Variants in EFNA5 observed in about 807,000 individuals in gnomAD.
EFNA5 encodes the protein ephrin A5, also known as ephrin-A5.
Under a neutral mutation model 22.9 loss-of-function variants are expected in EFNA5, and 5 were observed. The ratio of observed to expected loss-of-function variants is 0.22; its 90% confidence interval spans 0.11 to 0.46. The LOEUF (loss-of-function observed/expected upper bound fraction) is 0.46, where lower values mean the gene tolerates loss of function less well. Ranked by LOEUF, EFNA5 falls within the 20% of genes least tolerant of loss-of-function variation. The pLI, the probability that EFNA5 is intolerant of heterozygous loss-of-function variation, is 0.99. For missense variants in EFNA5, 237 were observed against 293.3 expected (o/e 0.81, Z 1.40); for synonymous variants, 113 against 112.2 (o/e 1.01, Z -0.04).
At chr5:107,475,501 C>T (rs930632703) in intron 1 of EFNA5, among the ~76,000 whole-genome samples, 10 of 152,136 alleles carry the variant, frequency 6.6e-5, no homozygotes, top group Non-Finnish European at 1.3e-4. Context: ...CCACTGTCCA[C>T]GTCAAAGGAT....
chr5:107,411,083 C>A (rs949817023), intron 2 of EFNA5, among the ~76,000 whole-genome samples: 2 of 152,058 alleles, frequency 1.3e-5, no homozygotes, highest in African/African-American at 2.4e-5. Flanking sequence ...TGCAAAAGCA[C>A]TAGAAAAATA....
rs529060516 is a variant in EFNA5, at chr5:107,570,120, G to T, written c.125+100369C>A. The stretch of plus-strand genomic sequence containing the variant: ...AGAGACCTACCTCCTAATGGTGAAA[G>T]AAACTGTTTTCACATTTTGAGAGGC... On this transcript the variant is annotated intron_variant, in intron 1 of 4. Transcript: ENST00000333274. Among the ~76,000 whole-genome samples, 3 of 152,210 alleles carry T rather than the reference G, an allele frequency of 2.0e-5. No individual in the cohort carries two copies. The South Asian group carries it at 6.2e-4, about 32-fold the overall frequency.
At chr5:107,629,611 T>C (rs1277610969) in intron 1 of EFNA5, among the ~76,000 whole-genome samples, 1 of 152,012 alleles carries the variant, frequency 6.6e-6, no homozygotes, top group Non-Finnish European at 1.5e-5. Flanking sequence ...CAGCAGGGAG[T>C]ATATGGGAAA....
Position 107,670,724 on chromosome 5 carries a change from A to G in EFNA5, c.-111T>C. 1.4e-6 allele frequency: 2 copies of G among 1,437,426 alleles called. No homozygotes were observed. The highest frequency in any genetic ancestry group is 1.9e-6 in the Non-Finnish European group (2 of 1,073,492). The allele number at this position is 1,437,426 out of a possible 1,614,324, so 89.0% of individuals were successfully genotyped here. A position where few individuals can be genotyped will look rare whatever the true frequency, so the allele number is the denominator to read the frequency against. ...GAGAGAGAGCGGGCGCCAAATAAAT[A>G]TGAATAAATAAAAATGAAAGTGGGC... On this transcript the variant is annotated 5_prime_UTR_variant, in exon 1 of 5. Transcript: ENST00000333274.
rs1249889519 is a variant in EFNA5 at position 107,377,866 on chromosome 5, G to A, written c.*3389C>T. The A allele has an allele frequency of 6.6e-6, 1 of 152,138 alleles. No individual in the cohort carries two copies. The highest frequency in any genetic ancestry group is 2.4e-5 in the African/African-American group (1 of 41,424). The allele number at this position is 152,138 out of a possible 1,614,324, so 9.4% of individuals were successfully genotyped here. A position where few individuals can be genotyped will look rare whatever the true frequency, so the allele number is the denominator to read the frequency against. ...GTGGAGAAGGGAGGGTGGGCCACAGGGCTCCAACATCAGACCTTGAAAACA... is the reference window on the plus strand; with the variant it reads ...GTGGAGAAGGGAGGGTGGGCCACAGAGCTCCAACATCAGACCTTGAAAACA... On this transcript the variant is annotated 3_prime_UTR_variant, in exon 5 of 5. Coordinates refer to ENST00000333274, the MANE Select transcript of EFNA5 (RefSeq NM_001962.3).
intron 2 of EFNA5, among the ~76,000 whole-genome samples, chr5:107,415,206 A>G (rs1484216691): frequency 2.6e-5 from 4 of 152,280 alleles, no homozygotes; most frequent in Non-Finnish European, 2.9e-5. Context: ...TATGGAATGG[A>G]TAAGTGCTTA....
At chr5:107,492,942 G>A (rs1489399205) in intron 1 of EFNA5, among the ~76,000 whole-genome samples, 2 of 149,712 alleles carry the variant, frequency 1.3e-5, no homozygotes. Flanking sequence ...AGGTTGCAGT[G>A]AGCAGAGATC....
intron 1 of EFNA5, among the ~76,000 whole-genome samples, chr5:107,587,337 A>T (rs1749209932): frequency 1.3e-5 from 2 of 152,220 alleles, no homozygotes; most frequent in South Asian, 4.1e-4. Context: ...CAGGACTCTC[A>T]GAAGACTTCT....
At chr5:107,615,893 TAAGA>T (rs932209523) in intron 1 of EFNA5, among the ~76,000 whole-genome samples, 2 of 152,098 alleles carry the variant, frequency 1.3e-5, no homozygotes, top group Non-Finnish European at 2.9e-5. Flanking sequence ...TTACATAAAA[TAAGA>T]AAGATAAATA....
intron 1 of EFNA5, among the ~76,000 whole-genome samples, chr5:107,521,133 G>A (rs959123451): frequency 6.6e-5 from 10 of 152,048 alleles, no homozygotes; most frequent in Non-Finnish European, 2.9e-5. Context: ...ATTGTATGTA[G>A]AAAGTGCATT....
intron 1 of EFNA5, among the ~76,000 whole-genome samples, chr5:107,545,431 G>A (rs1277137563): frequency 1.3e-5 from 2 of 152,230 alleles, no homozygotes; most frequent in African/African-American, 4.8e-5. Context: ...AGAGGCCAAA[G>A]AAGCACAATG....
At chr5:107,576,501 GA>G (rs1179450015) in intron 1 of EFNA5, among the ~76,000 whole-genome samples, 2 of 151,960 alleles carry the variant, frequency 1.3e-5, no homozygotes, top group South Asian at 2.1e-4. Flanking sequence ...AGAATTACAT[GA>G]AAAAAATCCA....
intron 1 of EFNA5, among the ~76,000 whole-genome samples, chr5:107,531,427 A>G (rs1747807837): frequency 6.6e-6 from 1 of 152,216 alleles, no homozygotes; most frequent in South Asian, 2.1e-4. Context: ...GGCAGGACAG[A>G]TGAGGAATGC....
intron 1 of EFNA5, among the ~76,000 whole-genome samples, chr5:107,562,713 A>C (rs1748577686): frequency 6.6e-6 from 1 of 152,238 alleles, no homozygotes; most frequent in Non-Finnish European, 1.5e-5. Flanking sequence ...ACTGTGCAGA[A>C]GACAGACTCC....
At chr5:107,417,433 A>G (rs574183237) in intron 2 of EFNA5, among the ~76,000 whole-genome samples, 1 of 152,272 alleles carries the variant, frequency 6.6e-6, no homozygotes, top group East Asian at 1.9e-4. Context: ...CTGACTTAAA[A>G]TATTCGATGG....
intron 4 of EFNA5, among the ~76,000 whole-genome samples, chr5:107,385,417 C>A (rs1422521162): frequency 3.9e-5 from 6 of 152,238 alleles, no homozygotes; most frequent in Non-Finnish European, 1.5e-5. Flanking sequence ...GAAAGATATG[C>A]CTACATTCTG....
intron 1 of EFNA5, among the ~76,000 whole-genome samples, chr5:107,472,649 T>C (rs1431558604): frequency 1.3e-5 from 2 of 152,186 alleles, no homozygotes; most frequent in Admixed American, 6.5e-5. Flanking sequence ...CCCAGGACAG[T>C]GGGACTTGTC....
At chr5:107,626,607 T>A (rs939715145) in intron 1 of EFNA5, among the ~76,000 whole-genome samples, 6 of 152,170 alleles carry the variant, frequency 3.9e-5, no homozygotes, top group Non-Finnish European at 7.3e-5. Context: ...CTAATGAGAA[T>A]GAAACATGTA....
intron 1 of EFNA5, among the ~76,000 whole-genome samples, chr5:107,658,161 A>G (rs1750869393): frequency 6.6e-6 from 1 of 152,156 alleles, no homozygotes; most frequent in South Asian, 2.1e-4. Flanking sequence ...AAGTAGAAAA[A>G]CTGTTAGTCA....
Sources: allele counts gnomAD v4.1 joint callset (sites outside exome capture counted in the v4.1 genomes callset), GRCh38; gene constraint gnomAD v4.1.1; transcripts MANE v1.5; gene names NCBI Gene and HGNC (gene_info 2026-07-23, HGNC 2026-07-21).